The following CLYBL variants were observed in gnomAD, a reference collection of about 807,000 sequenced individuals.
CLYBL encodes citramalyl-CoA lyase, mitochondrial.
In CLYBL, 31 loss-of-function variants were observed where a neutral mutation model predicts 38.9. That is an observed-to-expected ratio of 0.80 (90% CI 0.60 to 1.08). The LOEUF (loss-of-function observed/expected upper bound fraction) is 1.08, where lower values mean the gene tolerates loss of function less well. Ranked by LOEUF, CLYBL falls within the 50% of genes least tolerant of loss-of-function variation. The pLI is 0.00. For synonymous variants in CLYBL, 171 were observed against 158.6 expected (o/e 1.08, Z -0.59); for missense variants, 434 against 411.6 (o/e 1.05, Z -0.47).
chr13:99,875,171 T>G (rs1345411545), intron 7 of CLYBL, among the ~76,000 whole-genome samples: 1 of 152,158 alleles, frequency 6.6e-6, no homozygotes, highest in Admixed American at 6.5e-5. Flanking sequence ...CAATTAACAA[T>G]TACAAATGTC....
chr13:99,698,483 T>G (rs1199764273), intron 1 of CLYBL, among the ~76,000 whole-genome samples: 1 of 152,194 alleles, frequency 6.6e-6, no homozygotes, highest in Admixed American at 6.5e-5. Flanking sequence ...GGTTAAATGA[T>G]TTGGGAATAA....
intron 2 of CLYBL, among the ~76,000 whole-genome samples, chr13:99,829,733 G>T (rs1314711087): frequency 6.6e-6 from 1 of 152,144 alleles, no homozygotes. Flanking sequence ...TACAGTGAAG[G>T]ATCAGGAGCT....
At chr13:99,754,416 C>CGAAAAAAA (rs1454742490) in intron 1 of CLYBL, among the ~76,000 whole-genome samples, 1 of 71,886 alleles carries the variant, frequency 1.4e-5, no homozygotes, top group East Asian at 3.9e-4. Flanking sequence ...GACCCTGTCT[C>CGAAAAAAA]AAAAAAAAAA....
At chr13:99,645,543 A>T in intron 1 of CLYBL, among the ~76,000 whole-genome samples, 1 of 149,558 alleles carries the variant, frequency 6.7e-6, no homozygotes. Context: ...GTGATATCTT[A>T]CCGTAGTTTT....
chr13:99,673,817 C>T (rs1344831902), intron 1 of CLYBL, among the ~76,000 whole-genome samples: 4 of 152,232 alleles, frequency 2.6e-5, no homozygotes, highest in Middle Eastern at 3.4e-3. Flanking sequence ...TGGGGAGACC[C>T]GTCAGGAGAT....
At chr13:99,677,256 A>G (rs58218541) in intron 1 of CLYBL, among the ~76,000 whole-genome samples, 2,059 of 152,300 alleles carry the variant, frequency 0.014, 47 homozygotes, top group African/African-American at 0.047. Flanking sequence ...GCATAAAAAT[A>G]TCCAAGTAGA....
At chr13:99,659,470 TG>T (rs2047378596) in intron 1 of CLYBL, among the ~76,000 whole-genome samples, 1 of 152,202 alleles carries the variant, frequency 6.6e-6, no homozygotes, top group Non-Finnish European at 1.5e-5. Flanking sequence ...CAATACTTGC[TG>T]GGGAAGTGCC....
chr13:99,648,092 A>T (rs2047202224), intron 1 of CLYBL, among the ~76,000 whole-genome samples: 1 of 152,208 alleles, frequency 6.6e-6, no homozygotes, highest in Admixed American at 6.5e-5. Flanking sequence ...TGAAGTTGGC[A>T]TGCACCAGGT....
intron 1 of CLYBL, among the ~76,000 whole-genome samples, chr13:99,698,565 G>A (rs1426114859): frequency 6.6e-6 from 1 of 152,182 alleles, no homozygotes; most frequent in African/African-American, 2.4e-5. Flanking sequence ...CTCAGTTCCA[G>A]TTCTCATGTT....
chr13:99,629,390 G>T (rs890400821), intron 1 of CLYBL, among the ~76,000 whole-genome samples: 3 of 152,124 alleles, frequency 2.0e-5, no homozygotes, highest in Admixed American at 1.3e-4. Context: ...CCATCTATCC[G>T]CCTTCCCCCT....
chr13:99,737,918 GA>G (rs1440417051), intron 1 of CLYBL, among the ~76,000 whole-genome samples: 2 of 152,004 alleles, frequency 1.3e-5, no homozygotes, highest in Admixed American at 6.6e-5. Flanking sequence ...AATTACATAC[GA>G]GTTACATTTA....
At chr13:99,841,259 T>G (rs982104725) in intron 2 of CLYBL, among the ~76,000 whole-genome samples, 1 of 152,164 alleles carries the variant, frequency 6.6e-6, no homozygotes, top group African/African-American at 2.4e-5. Context: ...AAGATCTGAT[T>G]TCATACAAAA....
At position 99,858,929 on chromosome 13, in the gene CLYBL, G is replaced by A; in HGVS notation, c.318G>A (p.Val106=). 2 of 1,613,978 alleles carry A rather than the reference G, an allele frequency of 1.2e-6. No homozygotes were observed. Among genetic ancestry groups the A allele is most frequent in the South Asian group, 1.1e-5 (1 of 91,066 alleles). The part of the protein sequence containing the change: ...DIDLGPTEKC[V]RVNSVSSGLA... Reference sequence around the variant, plus strand: ...ATCTGGGCCCTACTGAAAAATGTGTGAGAGTCAACTCAGTTTCCAGTGGTC... The same window carrying A: ...ATCTGGGCCCTACTGAAAAATGTGTAAGAGTCAACTCAGTTTCCAGTGGTC... Residue 106 remains valine, a synonymous_variant, in exon 3 of 9, where the codon GTG becomes GTA. Coordinates refer to ENST00000339105, the MANE Select transcript of CLYBL (RefSeq NM_206808.5).
At chr13:99,773,367 C>T (rs1431350394) in intron 2 of CLYBL, among the ~76,000 whole-genome samples, 1 of 152,214 alleles carries the variant, frequency 6.6e-6, no homozygotes, top group Non-Finnish European at 1.5e-5. Flanking sequence ...GGCCACAATA[C>T]AGGCCTGTTA....
At chr13:99,830,890 C>T (rs1296351687) in intron 2 of CLYBL, among the ~76,000 whole-genome samples, 2 of 152,058 alleles carry the variant, frequency 1.3e-5, no homozygotes, top group African/African-American at 2.4e-5. Flanking sequence ...TGGTCTTTGC[C>T]GATGAAGTTA....
intron 2 of CLYBL, among the ~76,000 whole-genome samples, chr13:99,809,118 T>A (rs1175303672): frequency 6.6e-6 from 1 of 152,218 alleles, no homozygotes; most frequent in African/African-American, 2.4e-5. Flanking sequence ...CCTATGACAA[T>A]TTCCATTTTG....
chr13:99,683,186 A>G (rs2047763286), intron 1 of CLYBL, among the ~76,000 whole-genome samples: 5 of 151,770 alleles, frequency 3.3e-5, no homozygotes, highest in Admixed American at 3.3e-4. Flanking sequence ...CGTTCAAGCA[A>G]TTCTCCTGCC....
chr13:99,685,559 A>C (rs1594119008), intron 1 of CLYBL, among the ~76,000 whole-genome samples: 1 of 152,300 alleles, frequency 6.6e-6, no homozygotes, highest in Non-Finnish European at 1.5e-5. Context: ...ATATAATTTA[A>C]GCATCATCGG....
chr13:99,784,138 C>T (rs1304844658), intron 2 of CLYBL, among the ~76,000 whole-genome samples: 1 of 152,154 alleles, frequency 6.6e-6, no homozygotes, highest in African/African-American at 2.4e-5. Flanking sequence ...AATCATCATG[C>T]TTGTGAACCA....
Sources: gnomAD v4.1 joint callset for allele counts (sites outside exome capture counted in the v4.1 genomes callset) on GRCh38, gnomAD v4.1.1 for gene constraint, MANE v1.5 for transcripts, NCBI Gene and HGNC (gene_info 2026-07-23, HGNC 2026-07-21) for gene names.